Variants in PKHD1 observed in about 807,000 individuals in gnomAD.
PKHD1 encodes PKHD1 ciliary IPT domain containing fibrocystin/polyductin.
A neutral mutation model predicts 412.0 loss-of-function variants in PKHD1; 291 were observed. The observed-to-expected ratio is 0.71, with a 90% CI of 0.64 to 0.78. PKHD1 has a LOEUF of 0.78. PKHD1 is among the 30% of genes least tolerant of loss of function. PKHD1 has a pLI of 0.00. For missense variants in PKHD1, 4,825 were observed against 4,950.7 expected (o/e 0.97, Z 0.76); for synonymous variants, 1,777 against 1,821.5 (o/e 0.98, Z 0.62).
intron 60 of PKHD1, among the ~76,000 whole-genome samples, chr6:51,707,423 C>T (rs1780137116): frequency 6.6e-6 from 1 of 152,094 alleles, no homozygotes; most frequent in Non-Finnish European, 1.5e-5. Flanking sequence ...CAATTTCTTC[C>T]ACCTGTGCTC....
intron 33 of PKHD1, among the ~76,000 whole-genome samples, 187 bp from the exon 34 acceptor site, chr6:52,017,816 A>G (rs1188888768): frequency 6.6e-6 from 1 of 152,232 alleles, no homozygotes; most frequent in Non-Finnish European, 1.5e-5. Context: ...TTTTTGTAAA[A>G]TATGAATAAT....
chr6:51,748,883 T>TCTGTC (rs1393967624), intron 57 of PKHD1, among the ~76,000 whole-genome samples: 1 of 152,088 alleles, frequency 6.6e-6, no homozygotes. Flanking sequence ...GTCTGAAGAG[T>TCTGTC]CTGGTGACAG....
intron 61 of PKHD1, among the ~76,000 whole-genome samples, chr6:51,658,007 A>C (rs541524481): frequency 1.6e-3 from 248 of 152,220 alleles, no homozygotes; most frequent in Middle Eastern, 6.8e-3. Context: ...GTGGGATCTA[A>C]ATAAAATTGG....
At chr6:51,752,205 T>C (rs1562233006) in intron 57 of PKHD1, among the ~76,000 whole-genome samples, 1 of 152,110 alleles carries the variant, frequency 6.6e-6, no homozygotes, top group Non-Finnish European at 1.5e-5. Context: ...TTTGTCTCCA[T>C]CATCTAGAGC....
At position 51,756,235 on chromosome 6, in the gene PKHD1, T is replaced by C. The variant is rs59271364; in HGVS notation, c.8643-1297A>G. Among the ~76,000 whole-genome samples the C allele has an allele frequency of 2.9e-3, 435 of 152,222 alleles. 3 individuals carry two copies. The highest frequency in any genetic ancestry group is 9.4e-3 in the African/African-American group (391 of 41,562). ...CTGTTCCTGATTTGCTATGACTTCC[T>C]AGAAAACTCCCAGTTACAGAATATT... On this transcript the variant is annotated intron_variant, in intron 55 of 66. Transcript: ENST00000371117.
At chr6:51,850,105 T>C (rs917995127) in intron 49 of PKHD1, among the ~76,000 whole-genome samples, 1 of 152,242 alleles carries the variant, frequency 6.6e-6, no homozygotes, top group Non-Finnish European at 1.5e-5. Context: ...TTCAGTTTTC[T>C]GCATATGGCT....
At chr6:51,735,699 G>C (rs1463780364) in intron 60 of PKHD1, among the ~76,000 whole-genome samples, 1 of 152,132 alleles carries the variant, frequency 6.6e-6, no homozygotes, top group Non-Finnish European at 1.5e-5. Context: ...GCCAAGGTAA[G>C]AGGATCGCTT....
chr6:52,082,685 T>TG, intron 3 of PKHD1, 143 bp from the exon 4 acceptor site: 1 of 780,932 alleles, frequency 1.3e-6, no homozygotes, highest in Admixed American at 2.0e-5. Flanking sequence ...TCCTCATAGA[T>TG]GCTGTATAAA....
intron 7 of PKHD1, among the ~76,000 whole-genome samples, chr6:52,072,611 G>T (rs1303852884): frequency 6.6e-6 from 1 of 152,142 alleles, no homozygotes; most frequent in Non-Finnish European, 1.5e-5. Flanking sequence ...TAGTTTTCTT[G>T]TAAGGTAAGT....
chr6:51,865,301 T>C (rs558215530), intron 48 of PKHD1, among the ~76,000 whole-genome samples: 145 of 152,300 alleles, frequency 9.5e-4, no homozygotes, highest in African/African-American at 3.3e-3. Context: ...CAGTTTTTTC[T>C]TCACCCAAAT....
chr6:51,674,069 C>T (rs1775452218), intron 60 of PKHD1, among the ~76,000 whole-genome samples: 1 of 152,128 alleles, frequency 6.6e-6, no homozygotes, highest in Non-Finnish European at 1.5e-5. Flanking sequence ...TTAAGAAAAA[C>T]ATATTGCATC....
intron 60 of PKHD1, among the ~76,000 whole-genome samples, chr6:51,670,592 G>A (rs1774764102): frequency 6.6e-6 from 1 of 151,590 alleles, no homozygotes; most frequent in Non-Finnish European, 1.5e-5. Context: ...CTGTCATTAT[G>A]ATGTTAGCTG....
At chr6:51,869,012 TA>T (rs757158322) in intron 47 of PKHD1, among the ~76,000 whole-genome samples, 17 of 151,724 alleles carry the variant, frequency 1.1e-4, no homozygotes, top group African/African-American at 3.1e-4. Flanking sequence ...TTATAAAATA[TA>T]AAAAAAAGAA....
Position 51,804,233 on chromosome 6 carries a change from C to G in PKHD1, c.8303-12860G>C, listed in dbSNP as rs1010607221. 1.1e-4 allele frequency among the ~76,000 whole-genome samples: 16 copies of G among 150,908 alleles called. 1 individual carries two copies. Among genetic ancestry groups the G allele is most frequent in the Non-Finnish European group, 1.9e-4 (13 of 68,006 alleles). On this transcript the variant is annotated intron_variant, in intron 52 of 66. Coordinates refer to ENST00000371117, the MANE Select transcript of PKHD1 (RefSeq NM_138694.4). ...GGCCAGAATCCCACTGATGCCCAAC[C>G]ACCAACAGTCCACACAGATGAAGGG...
chr6:51,909,709 A>G (rs988862875), intron 39 of PKHD1, among the ~76,000 whole-genome samples: 2 of 152,074 alleles, frequency 1.3e-5, no homozygotes, highest in African/African-American at 2.4e-5. Flanking sequence ...TCCCAAATCA[A>G]TCACCTTAAT....
At chr6:51,673,157 T>C (rs79863997) in intron 60 of PKHD1, among the ~76,000 whole-genome samples, 1 of 152,154 alleles carries the variant, frequency 6.6e-6, no homozygotes, top group Non-Finnish European at 1.5e-5. Flanking sequence ...GACCAAATAA[T>C]AACCCGTGAA....
At chr6:51,955,389 C>A (rs1790965546) in intron 36 of PKHD1, among the ~76,000 whole-genome samples, 1 of 152,016 alleles carries the variant, frequency 6.6e-6, no homozygotes, top group Non-Finnish European at 1.5e-5. Flanking sequence ...AATAATGACA[C>A]AAAACATTGG....
At chr6:51,952,518 A>T (rs1790510881) in intron 36 of PKHD1, among the ~76,000 whole-genome samples, 1 of 152,118 alleles carries the variant, frequency 6.6e-6, no homozygotes, top group Non-Finnish European at 1.5e-5. Flanking sequence ...TACAGCCTAG[A>T]CCTTTATAAG....
In PKHD1 at chr6:51,934,141, C is replaced by G. The variant is rs1787086867; in HGVS notation, c.6090G>C (p.Leu2030=). Residue 2030 remains leucine (L), a synonymous_variant, in exon 37 of 67, where the codon CTG becomes CTC. Transcript: ENST00000371117. ...GAGAAAGAGTTCCATTCCTCACAGC[C>G]AGGAACTTGACTCCATAGGGAAAGA... is the stretch of plus-strand genomic sequence containing the variant. ...TPFFPYGVKF[L]AVRNGTLSLH... The G allele has an allele frequency of 1.2e-6, 2 of 1,613,678 alleles. No individual in the cohort carries two copies. Among genetic ancestry groups the G allele is most frequent in the East Asian group, 4.5e-5 (2 of 44,888 alleles).
Sources: gnomAD v4.1 joint callset for allele counts (sites outside exome capture counted in the v4.1 genomes callset) on GRCh38, gnomAD v4.1.1 for gene constraint, MANE v1.5 for transcripts, NCBI Gene and HGNC (gene_info 2026-07-23, HGNC 2026-07-21) for gene names.